ADGRE2: variants seen among roughly 807,000 people sequenced by gnomAD.
ADGRE2 encodes the protein adhesion G protein-coupled receptor E2.
Under a neutral mutation model 100.8 loss-of-function variants are expected in ADGRE2, and 83 were observed. The observed-to-expected ratio is 0.82, with a 90% CI of 0.69 to 0.99. ADGRE2 has a LOEUF of 0.99. Among genes scored for constraint, ADGRE2 ranks in the 50% least tolerant of loss-of-function variants. ADGRE2 has a pLI of 0.00. For synonymous variants in ADGRE2, 355 were observed against 413.0 expected, an observed-to-expected ratio of 0.86 and a Z score of 1.70; for missense variants, 814 against 1,035.7, an observed-to-expected ratio of 0.79 and a Z score of 2.94.
chr19:14,777,008 A>ACACC, intron 1 of ADGRE2, 81 bp from the exon 2 acceptor site: 1 of 1,350,432 alleles, frequency 7.4e-7, no homozygotes. Flanking sequence ...ACACACACAC[A>ACACC]CACACACGTG....
Position 14,776,937 on chromosome 19 carries a change from A to C in ADGRE2, c.-171-10T>G. 1.4e-6 allele frequency: 2 copies of C among 1,455,096 alleles called. No homozygotes were observed. The highest frequency in any genetic ancestry group is 1.8e-6 in the Non-Finnish European group (2 of 1,104,364). The allele number at this position is 1,455,096 out of a possible 1,614,324, so 90.1% of individuals were successfully genotyped here. The stretch of plus-strand genomic sequence containing the variant: ...GGAACTGGCGGTGCAGCTGGAAGCC[A>C]GCAGGAAAGCACAATAAAAACACAG... On this transcript the variant is annotated splice_polypyrimidine_tract_variant and intron_variant, in intron 1 of 20. Transcript: ENST00000315576.
Position 14,745,535 on chromosome 19 carries a change from C to G in ADGRE2, c.2183+697G>C, listed in dbSNP as rs368999538. 1.6e-4 allele frequency among the ~76,000 whole-genome samples: 25 copies of G among 152,278 alleles called. No individual in the cohort carries two copies. In the East Asian group the frequency reaches 4.2e-3, roughly 26 times the overall value. Reference sequence around the variant, plus strand: ...TCTGACTGTATGTTGTACCCATTAACCAACCTCTCTTCATCGCCTTGCCCA... The same window carrying G: ...TCTGACTGTATGTTGTACCCATTAAGCAACCTCTCTTCATCGCCTTGCCCA... On this transcript the variant is annotated intron_variant, in intron 18 of 20. Transcript: ENST00000315576.
Position 14,752,348 on chromosome 19 carries a change from A to G in ADGRE2, c.1769T>C (p.Ile590Thr), listed in dbSNP as rs147337375. Residue 590 changes from isoleucine (I) to threonine (T), a missense_variant, in exon 15 of 21, where the codon ATT (isoleucine) becomes ACT (threonine). Transcript: ENST00000315576. ...CAATACCTTGTGTCCGGTTTGATCA[A>G]TTGCCACGAGGAAGAGGAGGTGGGC... ...FLAHLLFLVA[I>T]DQTGHKVLCS... The G allele has an allele frequency of 8.7e-6, 14 of 1,614,050 alleles. No homozygotes were observed. The highest frequency in any genetic ancestry group is 2.2e-5 in the East Asian group (1 of 44,892).
Position 14,756,413 on chromosome 19 carries a change from A to G in ADGRE2, c.1085-68T>C, listed in dbSNP as rs2043504149. The G allele has an allele frequency of 3.2e-6, 3 of 931,736 alleles. No individual in the cohort carries two copies. In the Admixed American group the frequency reaches 5.4e-5, roughly 17 times the overall value. The allele number at this position is 931,736 out of a possible 1,614,324, so 57.7% of individuals were successfully genotyped here. ...TCGTGCCTGCAGTGGTTGATATACT[A>G]TGACTTAATATATATACTATATACA... On this transcript the variant is annotated intron_variant, in intron 11 of 20. Transcript: ENST00000315576.
chr19:14,776,265 CAG>C (rs1334832648), intron 2 of ADGRE2: 535 of 165,408 alleles, frequency 3.2e-3, no homozygotes, highest in South Asian at 0.013. Flanking sequence ...AGGAGAAAGA[CAG>C]AGAGAGAGAG....
At chr19:14,754,260 A>G (rs1326348742) in intron 14 of ADGRE2, among the ~76,000 whole-genome samples, 1 of 147,966 alleles carries the variant, frequency 6.8e-6, no homozygotes, top group African/African-American at 2.5e-5. Flanking sequence ...GTGAGTTAAT[A>G]CCTAATAAAC....
At chr19:14,736,830 AT>A (rs1411684271) in intron 20 of ADGRE2, among the ~76,000 whole-genome samples, 4 of 145,550 alleles carry the variant, frequency 2.7e-5, no homozygotes, top group Admixed American at 7.0e-5. Flanking sequence ...ATATATAGAT[AT>A]TTAATATCTA....
intron 20 of ADGRE2, among the ~76,000 whole-genome samples, chr19:14,740,734 A>G (rs1180856738): frequency 6.7e-6 from 1 of 149,810 alleles, no homozygotes; most frequent in African/African-American, 2.6e-5. Flanking sequence ...TAAAAAATTT[A>G]TTATTTATGT....
At position 14,776,852 on chromosome 19, in the gene ADGRE2, C is replaced by T; in HGVS notation, c.-96G>A. ...AGGCTGGGCAGCTGTGCGGGCTGTC[C>T]CGAGGCCAGGACTTTATAAAGGAGG... On this transcript the variant is annotated 5_prime_UTR_variant, in exon 2 of 21. Transcript: ENST00000315576. 1 of 1,574,644 alleles carries T rather than the reference C, an allele frequency of 6.4e-7. No homozygotes were observed. Among genetic ancestry groups the T allele is most frequent in the Non-Finnish European group, 8.6e-7 (1 of 1,160,200 alleles).
At chr19:14,765,093 G>A (rs1263484837) in intron 10 of ADGRE2, among the ~76,000 whole-genome samples, 1 of 152,186 alleles carries the variant, frequency 6.6e-6, no homozygotes, top group Non-Finnish European at 1.5e-5. Context: ...CAACACTTCT[G>A]TGCAATATCA....
rs1348787800 is a variant in ADGRE2, at chr19:14,755,748, G to T, written c.1322C>A (p.Ser441Tyr). ...GATCACATCTGAGAGCAGGATGGGG[G>T]AGCCGTCCTGCAGCAAGCCCTGGTG... ...ETHQGLLQDG[S>Y]PILLSDVISA... is the part of the protein sequence containing the mutation. Residue 441 changes from serine to tyrosine, a missense_variant, in exon 13 of 21, where the codon TCC (serine) becomes TAC (tyrosine). By Grantham distance (144) the Ser-to-Tyr change is moderately radical (BLOSUM62 -2). Transcript: ENST00000315576. 1.2e-6 allele frequency: 2 copies of T among 1,614,164 alleles called. No homozygotes were observed. The highest frequency in any genetic ancestry group is 8.5e-7 in the Non-Finnish European group (1 of 1,180,006).
chr19:14,770,672 T>TTTC (rs1568623139), intron 5 of ADGRE2, among the ~76,000 whole-genome samples: 1 of 106,636 alleles, frequency 9.4e-6, no homozygotes, highest in African/African-American at 3.9e-5. Flanking sequence ...TTCTTTTCTT[T>TTTC]TTTTTTTTTT....
At chr19:14,773,099 C>CAAAAAAAAAAAAAAAAAA (rs1231448957) in intron 4 of ADGRE2, among the ~76,000 whole-genome samples, 3 of 72,096 alleles carry the variant, frequency 4.2e-5, no homozygotes, top group African/African-American at 5.7e-5. Context: ...AAAAAAAAAA[C>CAAAAAAAAAAAAAAAAAA]AAAAAAAAAA....
the ADGRE2 span, among the ~76,000 whole-genome samples, chr19:14,727,173 G>A: frequency 6.6e-6 from 1 of 151,882 alleles, no homozygotes; most frequent in South Asian, 2.1e-4. Context: ...GACTACAGGT[G>A]TCCGCCACCA....
intron 16 of ADGRE2, among the ~76,000 whole-genome samples, chr19:14,749,433 A>T (rs918501096): frequency 9.1e-6 from 1 of 109,402 alleles, no homozygotes; most frequent in Non-Finnish European, 2.1e-5. Flanking sequence ...ATTTATAGTT[A>T]TGTAATATAA....
the ADGRE2 span, among the ~76,000 whole-genome samples, chr19:14,724,360 G>A: frequency 6.6e-6 from 1 of 152,202 alleles, no homozygotes; most frequent in Admixed American, 6.5e-5. Context: ...CACTTGGGGA[G>A]CACATGGTTA....
Position 14,751,418 on chromosome 19 carries a change from G to A in ADGRE2, c.2024+18C>T. The A allele has an allele frequency of 1.9e-6, 3 of 1,578,892 alleles. No individual in the cohort carries two copies. Among genetic ancestry groups the A allele is most frequent in the Non-Finnish European group, 2.6e-6 (3 of 1,148,016 alleles). On this transcript the variant is annotated intron_variant, in intron 16 of 20. Coordinates refer to ENST00000315576, the MANE Select transcript of ADGRE2 (RefSeq NM_013447.4). ...GGTTATGCCGGAGAAGATAAGGATT[G>A]TGAGAATTTGCACTAACCGGGAAGG...
chr19:14,767,246 T>C lies in ADGRE2; in HGVS notation c.356-137A>G, dbSNP rs573039555. 1.8e-4 allele frequency: 260 copies of C among 1,421,890 alleles called. 1 individual carries two copies. The highest frequency in any genetic ancestry group is 1.5e-3 in the South Asian group (115 of 74,918). The allele number at this position is 1,421,890 out of a possible 1,614,324, so 88.1% of individuals were successfully genotyped here. On this transcript the variant is annotated intron_variant, in intron 5 of 20. Transcript: ENST00000315576. ...TCCCTTTTCTTTTCTTTCTTTCTTT[T>C]TTTTTTTTTTGAGACGGAGTCTTGC... is the stretch of plus-strand genomic sequence containing the variant.
At chr19:14,775,918 C>G (rs1002365231) in intron 2 of ADGRE2, among the ~76,000 whole-genome samples, 1 of 151,380 alleles carries the variant, frequency 6.6e-6, no homozygotes, top group African/African-American at 2.4e-5. Context: ...TGCCCTGGAA[C>G]CGCATGCTTC....
Sources: allele counts gnomAD v4.1 joint callset (sites outside exome capture counted in the v4.1 genomes callset), GRCh38; gene constraint gnomAD v4.1.1; transcripts MANE v1.5; gene names NCBI Gene and HGNC (gene_info 2026-07-23, HGNC 2026-07-21).